The following LY96 variants were observed in gnomAD, a reference collection of about 807,000 sequenced individuals.
LY96 encodes the protein lymphocyte antigen 96.
LY96 carries 18 observed loss-of-function variants against 18.9 expected under a neutral mutation model. That is an observed-to-expected ratio of 0.95 (90% CI 0.66 to 1.41). LY96 has a LOEUF of 1.41. LY96 is among the 40% of genes most tolerant of loss of function. The pLI, the probability that LY96 is intolerant of heterozygous loss-of-function variation, is 0.00. For synonymous variants in LY96, 66 were observed against 62.6 expected (o/e 1.06, Z -0.26); for missense variants, 175 against 182.4 (o/e 0.96, Z 0.23).
At chr8:74,032,314 C>T (rs1816984384), downstream of LY96, among the ~76,000 whole-genome samples, 2 of 152,286 alleles carry the variant, frequency 1.3e-5, no homozygotes, top group Admixed American at 1.3e-4. Flanking sequence ...TTTCTGCCTC[C>T]AAAGGAAGAA....
chr8:74,030,749 T>A (rs965797284), downstream of LY96, among the ~76,000 whole-genome samples: 2 of 150,040 alleles, frequency 1.3e-5, no homozygotes, highest in Admixed American at 6.7e-5. Flanking sequence ...CAACATTCAT[T>A]GAAACGGTGA....
the LY96 span, among the ~76,000 whole-genome samples, chr8:74,081,122 TTTCCTTCCTTCCTTCCTTCC>T: frequency 6.8e-4 from 84 of 124,256 alleles, no homozygotes; most frequent in East Asian, 1.9e-3. Flanking sequence ...TCTTTCTTTC[TTTCCTTCCTTCCTTCCTTCC>T]TTCTTTCTTT....
the LY96 span, among the ~76,000 whole-genome samples, chr8:74,071,825 G>C: frequency 1.3e-5 from 2 of 152,110 alleles, no homozygotes; most frequent in Admixed American, 1.3e-4. Flanking sequence ...TACTAATATT[G>C]ATTCACATTG....
At chr8:74,078,336 C>A in the LY96 span, among the ~76,000 whole-genome samples, 1 of 152,058 alleles carries the variant, frequency 6.6e-6, no homozygotes, top group Non-Finnish European at 1.5e-5. Flanking sequence ...AAAGGAGATA[C>A]AGGAAGATCA....
chr8:73,997,346 C>T (rs985731963), intron 1 of LY96, among the ~76,000 whole-genome samples: 1 of 152,186 alleles, frequency 6.6e-6, no homozygotes, highest in Non-Finnish European at 1.5e-5. Context: ...ACACTCATGC[C>T]ACATTTGTCT....
At chr8:73,995,207 G>C (rs1332017528) in intron 1 of LY96, among the ~76,000 whole-genome samples, 1 of 152,154 alleles carries the variant, frequency 6.6e-6, no homozygotes, top group South Asian at 2.1e-4. Flanking sequence ...TCAGATACCA[G>C]CACCTTCACA....
At chr8:74,001,312 C>T (rs1586647947) in intron 1 of LY96, among the ~76,000 whole-genome samples, 1 of 151,788 alleles carries the variant, frequency 6.6e-6, no homozygotes, top group Non-Finnish European at 1.5e-5. Flanking sequence ...CAACCTCCAC[C>T]TCCTGGGTCT....
At chr8:74,090,492 T>C in the LY96 span, among the ~76,000 whole-genome samples, 14 of 152,316 alleles carry the variant, frequency 9.2e-5, no homozygotes, top group South Asian at 6.2e-4. Context: ...CTTGACAATG[T>C]TTTATAGTTT....
chr8:74,041,374 T>C, the LY96 span, among the ~76,000 whole-genome samples: 1 of 152,158 alleles, frequency 6.6e-6, no homozygotes, highest in African/African-American at 2.4e-5. Flanking sequence ...CAATATGAAA[T>C]CAGTGCACCT....
the LY96 span, among the ~76,000 whole-genome samples, chr8:74,068,089 A>ATATATATATAT: frequency 2.1e-4 from 14 of 67,904 alleles, no homozygotes; most frequent in African/African-American, 6.7e-4. Flanking sequence ...AAAAAAAAAA[A>ATATATATATAT]ATATATATAT....
chr8:74,065,948 A>T, the LY96 span, among the ~76,000 whole-genome samples: 1 of 152,256 alleles, frequency 6.6e-6, no homozygotes, highest in Non-Finnish European at 1.5e-5. Context: ...TACTTTGGAC[A>T]TGCAGGACAA....
the LY96 span, among the ~76,000 whole-genome samples, chr8:74,061,876 A>G: frequency 6.6e-6 from 1 of 152,202 alleles, no homozygotes; most frequent in Non-Finnish European, 1.5e-5. Flanking sequence ...TCCTAGGGGA[A>G]GGGTAGAGGG....
chr8:74,088,312 G>A, the LY96 span, among the ~76,000 whole-genome samples: 1 of 152,180 alleles, frequency 6.6e-6, no homozygotes, highest in African/African-American at 2.4e-5. Context: ...GGGCAGTGGA[G>A]CACCCATGGT....
the LY96 span, among the ~76,000 whole-genome samples, chr8:74,064,550 C>G: frequency 2.0e-5 from 3 of 152,306 alleles, 1 homozygote; most frequent in South Asian, 6.2e-4. Flanking sequence ...CATGGCACCC[C>G]CTCCCTACTT....
chr8:74,010,122 G>C lies in LY96; in HGVS notation c.324G>C (p.Leu108=). Residue 108 remains leucine (L), a synonymous_variant, in exon 3 of 5, where the codon CTG becomes CTC. Transcript: ENST00000284818. ...ACGATTACTCTTTTTGCAGAGCTCT[G>C]AAGGGAGGTAAGTATTCAGTTCATA... The part of the protein sequence containing the change: ...SDDDYSFCRA[L]KGETVNTTIS... The C allele has an allele frequency of 1.2e-6, 2 of 1,612,862 alleles. No individual in the cohort carries two copies.
Position 74,027,473 on chromosome 8 carries a change from T to G in LY96, c.384+632T>G, listed in dbSNP as rs570929582. ...GCACATGCCACTATGCCCAGCTAAT[T>G]TTTTTATTTTTAGTAGAGATGGGGT... On this transcript the variant is annotated intron_variant, in intron 4 of 4. Coordinates refer to ENST00000284818, the MANE Select transcript of LY96 (RefSeq NM_015364.5). Among the ~76,000 whole-genome samples, 8 of 151,996 alleles carry G rather than the reference T, an allele frequency of 5.3e-5. No homozygotes were observed. The South Asian group carries it at 1.5e-3, about 28-fold the overall frequency.
the LY96 span, among the ~76,000 whole-genome samples, chr8:74,060,953 T>C: frequency 1.3e-5 from 2 of 152,230 alleles, no homozygotes; most frequent in African/African-American, 4.8e-5. Context: ...TATTCAACAA[T>C]GACAAAATGT....
the LY96 span, among the ~76,000 whole-genome samples, chr8:74,084,763 G>GCACA: frequency 6.6e-6 from 1 of 152,080 alleles, no homozygotes; most frequent in South Asian, 2.1e-4. Context: ...ACAGGCGCCT[G>GCACA]CCACCACGCC....
At chr8:73,992,617 A>G (rs1002194230) in intron 1 of LY96, among the ~76,000 whole-genome samples, 1 of 152,144 alleles carries the variant, frequency 6.6e-6, no homozygotes, top group Non-Finnish European at 1.5e-5. Context: ...AATTGGGATA[A>G]TTGCCACATG....
Sources: gnomAD v4.1 joint callset for allele counts (sites outside exome capture counted in the v4.1 genomes callset) on GRCh38, gnomAD v4.1.1 for gene constraint, MANE v1.5 for transcripts, NCBI Gene and HGNC (gene_info 2026-07-23, HGNC 2026-07-21) for gene names.